CEBPG: variants seen among roughly 807,000 people sequenced by gnomAD.
The protein encoded by CEBPG is CCAAT enhancer binding protein gamma, also known as CCAAT/enhancer-binding protein gamma.
Under a neutral mutation model 11.1 loss-of-function variants are expected in CEBPG, and 6 were observed. That is an observed-to-expected ratio of 0.54 (90% CI 0.30 to 1.07). The LOEUF (loss-of-function observed/expected upper bound fraction) is 1.07, where lower values mean the gene tolerates loss of function less well. Among genes scored for constraint, CEBPG ranks in the 50% least tolerant of loss-of-function variants. The pLI is 0.07. For synonymous variants in CEBPG, 66 were observed against 71.0 expected, an observed-to-expected ratio of 0.93 and a Z score of 0.36; for missense variants, 161 against 187.4, an observed-to-expected ratio of 0.86 and a Z score of 0.82.
At position 33,379,867 on chromosome 19, in the gene CEBPG, A is replaced by G; in HGVS notation, c.*175A>G. On this transcript the variant is annotated 3_prime_UTR_variant, in exon 2 of 2. Transcript: ENST00000284000. ...ATTAGCTAAAAATGTTAGCCTTGTA[A>G]TTCGAATATCTGGTTTTAAATGATA... is the stretch of plus-strand genomic sequence containing the variant. 1 of 554,836 alleles carries G rather than the reference A, an allele frequency of 1.8e-6. No homozygotes were observed. The highest frequency in any genetic ancestry group is 1.9e-5 in the African/African-American group (1 of 52,804). 34.4% of individuals were successfully genotyped at this position (554,836 alleles called of 1,614,324 possible).
At chr19:33,378,710 CAG>C (rs1967944132) in intron 1 of CEBPG, among the ~76,000 whole-genome samples, 1 of 152,222 alleles carries the variant, frequency 6.6e-6, no homozygotes, top group African/African-American at 2.4e-5. Flanking sequence ...GCGCTGGAGA[CAG>C]GGTGCGCAAC....
intron 1 of CEBPG, among the ~76,000 whole-genome samples, chr19:33,378,578 TAAAG>T (rs1967942023): frequency 6.6e-6 from 1 of 152,092 alleles, no homozygotes; most frequent in African/African-American, 2.4e-5. Context: ...ATTAAAAAAA[TAAAG>T]CAAAAAACTA....
At position 33,379,435 on chromosome 19, in the gene CEBPG, C is replaced by T. The variant is rs368932326; in HGVS notation, c.196C>T (p.Arg66Trp). 9.9e-6 allele frequency: 16 copies of T among 1,613,826 alleles called. No individual in the cohort carries two copies. Among genetic ancestry groups the T allele is most frequent in the Non-Finnish European group, 1.3e-5 (15 of 1,180,022 alleles). The change falls in exon 2 of 2, where the codon CGG (arginine) becomes TGG (tryptophan). Residue 66 changes from arginine (R) to tryptophan (W), a missense_variant. Arg to Trp is a moderately radical substitution (Grantham distance 101). Transcript: ENST00000284000. ...CATGGATCGAAACAGTGACGAGTAT[C>T]GGCAACGCCGAGAGAGGAACAACAT... Reference protein sequence around the residue: ...SPMDRNSDEYRQRRERNNMAV... With the variant: ...SPMDRNSDEYWQRRERNNMAV...
intron 1 of CEBPG, 110 bp downstream of exon 1, chr19:33,374,005 G>C (rs1231459988): frequency 4.6e-5 from 7 of 150,994 alleles, no homozygotes; most frequent in African/African-American, 1.7e-4. Context: ...CCCGGCCCCA[G>C]ACGGCCCGCT....
chr19:33,373,753 G>GGAACGGGCGGAGGCTGCC lies in CEBPG; in HGVS notation c.-237_-220dup, dbSNP rs1391539845. 1.3e-5 allele frequency: 2 copies of GGAACGGGCGGAGGCTGCC among 151,432 alleles called. No homozygotes were observed. The highest frequency in any genetic ancestry group is 2.9e-5 in the Non-Finnish European group (2 of 67,846). The allele number at this position is 151,432 out of a possible 1,614,324, so 9.4% of individuals were successfully genotyped here. A position where few individuals can be genotyped will look rare whatever the true frequency, so the allele number is the denominator to read the frequency against. ...AGGGGAAGCCGGTGGCCGCGGCTGC[G>GGAACGGGCGGAGGCTGCC]GAACGGGCGGAGGCTGCCGGTTTCG... On this transcript the variant is annotated 5_prime_UTR_variant, in exon 1 of 2. Transcript: ENST00000284000.
At chr19:33,377,742 T>C (rs527409562) in intron 1 of CEBPG, among the ~76,000 whole-genome samples, 14 of 152,348 alleles carry the variant, frequency 9.2e-5, no homozygotes, top group African/African-American at 3.4e-4. Flanking sequence ...TTGTCTTGCC[T>C]TAGTGTTGGC....
rs1178973673 is a variant in CEBPG, at chr19:33,379,212, T to C, written c.-28T>C. The stretch of plus-strand genomic sequence containing the variant: ...ATCACCCTGCTCTCATTTCTACCTG[T>C]TCTGTGTTGGCAAGGGAGAGTGCCC... On this transcript the variant is annotated 5_prime_UTR_variant, in exon 2 of 2. Transcript: ENST00000284000. 2.6e-6 allele frequency: 4 copies of C among 1,511,488 alleles called. No individual in the cohort carries two copies. In the African/African-American group the frequency reaches 5.6e-5, roughly 21 times the overall value. The allele number at this position is 1,511,488 out of a possible 1,614,324, so 93.6% of individuals were successfully genotyped here.
At position 33,379,651 on chromosome 19, in the gene CEBPG, A is replaced by G; in HGVS notation, c.412A>G (p.Thr138Ala). The G allele has an allele frequency of 6.2e-7, 1 of 1,613,366 alleles. No individual in the cohort carries two copies. Among genetic ancestry groups the G allele is most frequent in the Non-Finnish European group, 8.5e-7 (1 of 1,179,386 alleles). Reference sequence around the variant, plus strand: ...TGCAGACAACGTACAGTCCATTAGCACTGAAAATACGACAGCAGATGGCGA... The same window carrying G: ...TGCAGACAACGTACAGTCCATTAGCGCTGAAAATACGACAGCAGATGGCGA... ...NLADNVQSISTENTTADGDNA... is the reference protein window; with the variant it reads ...NLADNVQSISAENTTADGDNA... The change falls in exon 2 of 2, where the codon ACT becomes GCT. Residue 138 changes from threonine (T) to alanine (A), a missense_variant. Transcript: ENST00000284000.
At chr19:33,376,034 G>A (rs1218993141) in intron 1 of CEBPG, among the ~76,000 whole-genome samples, 5 of 151,828 alleles carry the variant, frequency 3.3e-5, no homozygotes, top group African/African-American at 1.2e-4. Flanking sequence ...ATGGGATTGG[G>A]ATGGAGAGGA....
Position 33,379,211 on chromosome 19 carries a change from G to C in CEBPG, c.-29G>C, listed in dbSNP as rs1326549305. ...GATCACCCTGCTCTCATTTCTACCTGTTCTGTGTTGGCAAGGGAGAGTGCC... is the reference window on the plus strand; with the variant it reads ...GATCACCCTGCTCTCATTTCTACCTCTTCTGTGTTGGCAAGGGAGAGTGCC... On this transcript the variant is annotated 5_prime_UTR_variant, in exon 2 of 2. Coordinates refer to ENST00000284000, the MANE Select transcript of CEBPG (RefSeq NM_001806.4). The C allele has an allele frequency of 6.6e-7, 1 of 1,510,204 alleles. No individual in the cohort carries two copies. The highest frequency in any genetic ancestry group is 1.8e-4 in the Middle Eastern group (1 of 5,582). The allele number at this position is 1,510,204 out of a possible 1,614,324, so 93.6% of individuals were successfully genotyped here.
chr19:33,377,444 A>T (rs1019451180), intron 1 of CEBPG, among the ~76,000 whole-genome samples: 2 of 151,504 alleles, frequency 1.3e-5, no homozygotes, highest in African/African-American at 4.9e-5. Context: ...TTGGTATATT[A>T]AAAAAAAAGT....
chr19:33,379,761 T>G lies in CEBPG; in HGVS notation c.*69T>G. On this transcript the variant is annotated 3_prime_UTR_variant, in exon 2 of 2. Coordinates refer to ENST00000284000, the MANE Select transcript of CEBPG (RefSeq NM_001806.4). ...AAGGTGTGACCACCGACACCACTCA[T>G]GTCAATGGCTGAAAGTTGTCCATTT... 7.2e-7 allele frequency: 1 copy of G among 1,380,846 alleles called. No individual in the cohort carries two copies. The highest frequency in any genetic ancestry group is 9.8e-7 in the Non-Finnish European group (1 of 1,016,188). The allele number at this position is 1,380,846 out of a possible 1,614,324, so 85.5% of individuals were successfully genotyped here. A position where few individuals can be genotyped will look rare whatever the true frequency, so the allele number is the denominator to read the frequency against.
chr19:33,375,148 T>C (rs1967897319), intron 1 of CEBPG, among the ~76,000 whole-genome samples: 1 of 152,230 alleles, frequency 6.6e-6, no homozygotes, highest in African/African-American at 2.4e-5. Context: ...TTCAGTTATT[T>C]TTAATACCTG....
Position 33,379,282 on chromosome 19 carries a change from G to A in CEBPG, c.43G>A (p.Gly15Arg), listed in dbSNP as rs768393775. The change falls in exon 2 of 2, where the codon GGA (glycine) becomes AGA (arginine). Residue 15 changes from glycine to arginine, a missense_variant. Transcript: ENST00000284000. ...SQQNSTPGVN[G>R]ISVIHTQAHA... The stretch of plus-strand genomic sequence containing the variant: ...GCAAAACAGCACTCCAGGGGTGAAC[G>A]GAATTAGTGTTATCCATACCCAGGC... The A allele has an allele frequency of 1.9e-6, 3 of 1,586,958 alleles. No individual in the cohort carries two copies. The highest frequency in any genetic ancestry group is 1.8e-5 in the Admixed American group (1 of 55,540).
chr19:33,374,160 G>C (rs1381908873), intron 1 of CEBPG, among the ~76,000 whole-genome samples: 2 of 149,732 alleles, frequency 1.3e-5, no homozygotes, highest in Non-Finnish European at 3.0e-5. Flanking sequence ...CGACCCCCGC[G>C]CTGCCCGGGG....
At position 33,380,815 on chromosome 19, in the gene CEBPG, AT is replaced by A. The variant is rs1027202013; in HGVS notation, c.*1124del. On this transcript the variant is annotated 3_prime_UTR_variant, in exon 2 of 2. Coordinates refer to ENST00000284000, the MANE Select transcript of CEBPG (RefSeq NM_001806.4). ...CCTTTAATTTATTTCTCTTAAATAC[AT>A]CTTTTGATATTGTTGTTGTGACATT... The A allele has an allele frequency of 6.0e-6, 1 of 166,940 alleles. No homozygotes were observed. Among genetic ancestry groups the A allele is most frequent in the Non-Finnish European group, 1.5e-5 (1 of 68,130 alleles). 10.3% of individuals were successfully genotyped at this position (166,940 alleles called of 1,614,324 possible).
In CEBPG at chr19:33,382,000, A is replaced by C. The variant is rs538151085; in HGVS notation, c.*2308A>C. On this transcript the variant is annotated 3_prime_UTR_variant, in exon 2 of 2. Transcript: ENST00000284000. ...AAAATTAGGGAAACCACGTGTGGGGAATGAATCAATTTAGAGCTTCGGGAA... is the reference window on the plus strand; with the variant it reads ...AAAATTAGGGAAACCACGTGTGGGGCATGAATCAATTTAGAGCTTCGGGAA... 3 of 167,234 alleles carry C rather than the reference A, an allele frequency of 1.8e-5. No individual in the cohort carries two copies. In the Admixed American group the frequency reaches 2.0e-4, roughly 11 times the overall value. 10.4% of individuals were successfully genotyped at this position (167,234 alleles called of 1,614,324 possible). A position where few individuals can be genotyped will look rare whatever the true frequency, so the allele number is the denominator to read the frequency against.
At chr19:33,378,673 G>A (rs1967943411) in intron 1 of CEBPG, among the ~76,000 whole-genome samples, 1 of 152,204 alleles carries the variant, frequency 6.6e-6, no homozygotes, top group South Asian at 2.1e-4. Flanking sequence ...ATTAGAACAT[G>A]GAACCCGCAG....
At chr19:33,377,052 C>T (rs1321680750) in intron 1 of CEBPG, among the ~76,000 whole-genome samples, 1 of 152,218 alleles carries the variant, frequency 6.6e-6, no homozygotes, top group Non-Finnish European at 1.5e-5. Flanking sequence ...TAAAACCTCA[C>T]CTACCACACA....
Sources: allele counts gnomAD v4.1 joint callset (sites outside exome capture counted in the v4.1 genomes callset), GRCh38; gene constraint gnomAD v4.1.1; transcripts MANE v1.5; gene names NCBI Gene and HGNC (gene_info 2026-07-23, HGNC 2026-07-21).